Variants in LRRC37A2 observed in about 807,000 individuals in gnomAD.
LRRC37A2 encodes the protein leucine rich repeat containing 37 member A2.
LRRC37A2 carries 9 observed loss-of-function variants against 68.8 expected under a neutral mutation model. The ratio of observed to expected loss-of-function variants is 0.13; its 90% CI spans 0.08 to 0.23. The LOEUF (loss-of-function observed/expected upper bound fraction) is 0.23, where lower values mean the gene tolerates loss of function less well. LRRC37A2 is among the 10% of genes least tolerant of loss of function. The pLI, the probability that LRRC37A2 is intolerant of heterozygous loss-of-function variation, is 1.00. For missense variants in LRRC37A2, 168 were observed against 950.4 expected (o/e 0.18, Z 10.82); for synonymous variants, 63 against 367.6 (o/e 0.17, Z 9.48).
At chr17:46,568,798 G>GA in the LRRC37A2 span, among the ~76,000 whole-genome samples, 54 of 99,320 alleles carry the variant, frequency 5.4e-4, no homozygotes, top group African/African-American at 7.4e-4. Context: ...AAAAAAAAAG[G>GA]AAAAAAAAAG....
At chr17:46,872,413 C>T in the LRRC37A2 span, 1 of 1,385,454 alleles carries the variant, frequency 7.2e-7, no homozygotes, top group African/African-American at 1.5e-5. Flanking sequence ...AGCCTGCTGC[C>T]CAGAAGGGCA....
At chr17:46,881,550 C>A in the LRRC37A2 span, among the ~76,000 whole-genome samples, 4 of 152,206 alleles carry the variant, frequency 2.6e-5, no homozygotes, top group Non-Finnish European at 5.9e-5. Flanking sequence ...GCCTCCAAAC[C>A]CCATATTCTC....
the LRRC37A2 span, chr17:46,831,271 G>C: frequency 6.6e-6 from 1 of 152,294 alleles, no homozygotes; most frequent in African/African-American, 2.4e-5. Flanking sequence ...CGAGGCTAGA[G>C]CTGGCAGAAC....
the LRRC37A2 span, among the ~76,000 whole-genome samples, chr17:46,835,255 A>G: frequency 6.6e-6 from 1 of 151,944 alleles, no homozygotes; most frequent in East Asian, 1.9e-4. Context: ...TCTGTTGCCT[A>G]GGTTTGAGTG....
the LRRC37A2 span, among the ~76,000 whole-genome samples, chr17:46,610,108 TC>T: frequency 2.5e-5 from 3 of 120,686 alleles, no homozygotes; most frequent in East Asian, 4.0e-4. Context: ...TTTCTCTCTC[TC>T]TCTCTCTCTC....
the LRRC37A2 span, among the ~76,000 whole-genome samples, chr17:46,973,614 A>G: frequency 6.6e-6 from 1 of 151,918 alleles, no homozygotes; most frequent in African/African-American, 2.4e-5. Flanking sequence ...GCCTCAGAAC[A>G]CCCCGCAATG....
the LRRC37A2 span, among the ~76,000 whole-genome samples, chr17:46,789,640 G>A: frequency 2.6e-5 from 4 of 152,328 alleles, no homozygotes; most frequent in South Asian, 6.2e-4. Context: ...TGACACCATG[G>A]GGAAGCAACT....
the LRRC37A2 span, among the ~76,000 whole-genome samples, chr17:46,891,249 A>G: frequency 6.6e-6 from 1 of 152,174 alleles, no homozygotes; most frequent in Non-Finnish European, 1.5e-5. Context: ...CCTGTTTACA[A>G]AGTGTCTTCC....
the LRRC37A2 span, among the ~76,000 whole-genome samples, chr17:46,943,498 C>G: frequency 3.3e-5 from 5 of 152,246 alleles, no homozygotes; most frequent in Non-Finnish European, 5.9e-5. Context: ...CCCCCACAAT[C>G]CCATGAAACC....
chr17:46,868,641 A>G, the LRRC37A2 span, among the ~76,000 whole-genome samples: 17,625 of 151,848 alleles, frequency 0.12, 1,345 homozygotes, highest in East Asian at 0.38. Flanking sequence ...AAATAAACAC[A>G]TTTTTCTGGG....
chr17:47,027,617 T>C, the LRRC37A2 span: 2 of 1,286,122 alleles, frequency 1.6e-6, no homozygotes, highest in South Asian at 2.4e-5. Context: ...CACTACCATT[T>C]TTGAAGTTTA....
chr17:46,728,968 C>A, the LRRC37A2 span: 2 of 1,309,198 alleles, frequency 1.5e-6, no homozygotes, highest in Non-Finnish European at 2.2e-6. Context: ...AATATTTTAA[C>A]AAAGAGTTTT....
chr17:47,010,310 T>C, the LRRC37A2 span, among the ~76,000 whole-genome samples: 1 of 152,184 alleles, frequency 6.6e-6, no homozygotes, highest in Admixed American at 6.5e-5. Context: ...TGCACAAGTG[T>C]TCCTATGCAT....
chr17:46,900,755 T>G, the LRRC37A2 span, among the ~76,000 whole-genome samples: 74 of 152,340 alleles, frequency 4.9e-4, 3 homozygotes, highest in South Asian at 0.015. Flanking sequence ...TGGCAGCAGT[T>G]GTATGTGTTT....
the LRRC37A2 span, among the ~76,000 whole-genome samples, chr17:47,002,210 T>C: frequency 8.5e-5 from 13 of 152,152 alleles, no homozygotes; most frequent in African/African-American, 3.1e-4. Context: ...AAATGTTTAA[T>C]TGTAGTTTTT....
At chr17:46,880,741 G>T in the LRRC37A2 span, among the ~76,000 whole-genome samples, 1 of 152,110 alleles carries the variant, frequency 6.6e-6, no homozygotes, top group Non-Finnish European at 1.5e-5. Flanking sequence ...TCTGTACACT[G>T]GTATAGGTCG....
At chr17:46,745,337 GTTTTCT>G in the LRRC37A2 span, among the ~76,000 whole-genome samples, 1 of 152,180 alleles carries the variant, frequency 6.6e-6, no homozygotes, top group Admixed American at 6.5e-5. Context: ...GTTTTTCAAT[GTTTTCT>G]TAAAGATGAC....
chr17:46,942,082 T>G, the LRRC37A2 span: 106 of 364,468 alleles, frequency 2.9e-4, 1 homozygote, highest in Admixed American at 1.8e-3. Context: ...TACAAAGAAG[T>G]GAGGCACAAG....
chr17:46,799,249 G>A, the LRRC37A2 span, among the ~76,000 whole-genome samples: 3 of 152,096 alleles, frequency 2.0e-5, no homozygotes, highest in East Asian at 3.9e-4. Flanking sequence ...CTTCAGATAG[G>A]CTTATTGGTT....
Sources: allele counts gnomAD v4.1 joint callset (sites outside exome capture counted in the v4.1 genomes callset), GRCh38; gene constraint gnomAD v4.1.1; transcripts MANE v1.5; gene names NCBI Gene and HGNC (gene_info 2026-07-23, HGNC 2026-07-21).